PRKD1: variants seen among roughly 807,000 people sequenced by gnomAD.
PRKD1 encodes the protein serine/threonine-protein kinase D1.
A neutral mutation model predicts 95.9 loss-of-function variants in PRKD1; 63 were observed. The observed-to-expected ratio is 0.66, with a 90% CI of 0.54 to 0.81. The LOEUF is 0.81. Ranked by LOEUF, PRKD1 falls within the 30% of genes least tolerant of loss-of-function variation. The pLI, the probability that PRKD1 is intolerant of heterozygous loss-of-function variation, is 0.00. For missense variants in PRKD1, 1,048 were observed against 1,165.3 expected (o/e 0.90, Z 1.47); for synonymous variants, 425 against 423.1 (o/e 1.00, Z -0.05).
chr14:29,640,372 A>C (rs1880679790), intron 4 of PRKD1, among the ~76,000 whole-genome samples: 1 of 152,254 alleles, frequency 6.6e-6, no homozygotes, highest in South Asian at 2.1e-4. Context: ...AAGGTTAAAT[A>C]CTATTACCAA....
intron 2 of PRKD1, among the ~76,000 whole-genome samples, chr14:29,714,207 G>A (rs577657110): frequency 1.3e-5 from 2 of 152,098 alleles, no homozygotes; most frequent in East Asian, 3.9e-4. Flanking sequence ...AAGGTATGAG[G>A]AATTTGTGCT....
intron 1 of PRKD1, among the ~76,000 whole-genome samples, chr14:29,781,590 T>C (rs1011072158): frequency 6.6e-6 from 1 of 152,238 alleles, no homozygotes; most frequent in Non-Finnish European, 1.5e-5. Context: ...CAAAGAAGAC[T>C]GGAAAGACGT....
chr14:29,644,687 C>A (rs73255543), intron 4 of PRKD1, among the ~76,000 whole-genome samples: 3,377 of 151,948 alleles, frequency 0.022, 112 homozygotes, highest in African/African-American at 0.072. Flanking sequence ...TGTTTTCTAT[C>A]ATTATCTAGT....
intron 13 of PRKD1, among the ~76,000 whole-genome samples, chr14:29,609,123 C>A (rs17652742): frequency 0.49 from 74,019 of 151,902 alleles, 19,842 homozygotes; most frequent in East Asian, 0.68. Context: ...CAGATCACTC[C>A]TATTAAGAAC....
intron 2 of PRKD1, among the ~76,000 whole-genome samples, chr14:29,694,336 C>T (rs1884399148): frequency 1.3e-5 from 2 of 152,182 alleles, no homozygotes; most frequent in African/African-American, 2.4e-5. Context: ...ATTTGTCACA[C>T]ATTTCAGCTG....
chr14:29,889,626 A>G (rs1893868529), intron 1 of PRKD1, among the ~76,000 whole-genome samples: 1 of 152,240 alleles, frequency 6.6e-6, no homozygotes, highest in South Asian at 2.1e-4. Context: ...ATTCTCAGCA[A>G]AATATCACAG....
At chr14:29,820,172 T>C (rs1179176526) in intron 1 of PRKD1, among the ~76,000 whole-genome samples, 1 of 152,218 alleles carries the variant, frequency 6.6e-6, no homozygotes, top group Non-Finnish European at 1.5e-5. Context: ...GGTTCATTCA[T>C]ACCACCAATC....
intron 1 of PRKD1, among the ~76,000 whole-genome samples, chr14:29,923,786 A>G (rs1288752387): frequency 6.6e-6 from 1 of 151,098 alleles, no homozygotes; most frequent in African/African-American, 2.4e-5. Flanking sequence ...AAGCATCCCT[A>G]AAGAGTAACA....
intron 1 of PRKD1, chr14:29,811,895 T>C (rs527545877): frequency 2.0e-5 from 3 of 152,342 alleles, no homozygotes; most frequent in Non-Finnish European, 4.4e-5. Flanking sequence ...CCAGTCCCGA[T>C]GCATAAGAAA....
chr14:29,822,379 G>C (rs892677472), intron 1 of PRKD1, among the ~76,000 whole-genome samples: 2 of 152,190 alleles, frequency 1.3e-5, no homozygotes, highest in African/African-American at 4.8e-5. Flanking sequence ...CATTTAGTGA[G>C]CATTTCTCTT....
At chr14:29,773,168 A>G (rs1360084081) in intron 1 of PRKD1, among the ~76,000 whole-genome samples, 2 of 152,336 alleles carry the variant, frequency 1.3e-5, no homozygotes, top group East Asian at 1.9e-4. Flanking sequence ...AGTTTTTAAA[A>G]GAGTGAAAAT....
intron 1 of PRKD1, among the ~76,000 whole-genome samples, chr14:29,744,774 T>C (rs1176298634): frequency 1.3e-5 from 2 of 152,178 alleles, no homozygotes; most frequent in Non-Finnish European, 2.9e-5. Context: ...CTTGAATTCC[T>C]AGCCTCAGGT....
chr14:29,793,663 A>T (rs891346201), intron 1 of PRKD1, among the ~76,000 whole-genome samples: 3 of 151,886 alleles, frequency 2.0e-5, no homozygotes, highest in Admixed American at 6.6e-5. Context: ...TTTTTTTTTT[A>T]AAGCTTTTAT....
chr14:29,646,648 T>C (rs2139162341), intron 4 of PRKD1, among the ~76,000 whole-genome samples: 1 of 152,116 alleles, frequency 6.6e-6, no homozygotes, highest in East Asian at 1.9e-4. Context: ...CGAAACTGTC[T>C]GTCTCACTTA....
At chr14:29,912,043 A>G (rs1254634288) in intron 1 of PRKD1, among the ~76,000 whole-genome samples, 4 of 152,182 alleles carry the variant, frequency 2.6e-5, no homozygotes, top group African/African-American at 4.8e-5. Context: ...AGGGCACTGA[A>G]TCTCTCATTC....
At chr14:29,697,218 T>C (rs1884573661) in intron 2 of PRKD1, among the ~76,000 whole-genome samples, 1 of 151,782 alleles carries the variant, frequency 6.6e-6, no homozygotes, top group Non-Finnish European at 1.5e-5. Context: ...AATGTACCTA[T>C]ATTTAAATCC....
intron 1 of PRKD1, among the ~76,000 whole-genome samples, chr14:29,795,535 T>G (rs765554679): frequency 6.6e-5 from 10 of 152,144 alleles, no homozygotes; most frequent in East Asian, 1.9e-4. Context: ...ATGAGTAGTA[T>G]TATTGTAACT....
At chr14:29,655,355 T>C (rs1881771771) in intron 4 of PRKD1, among the ~76,000 whole-genome samples, 1 of 152,210 alleles carries the variant, frequency 6.6e-6, no homozygotes. Flanking sequence ...TCCTGTAGCT[T>C]ATGAATCAGA....
chr14:29,885,167 G>A (rs911665332), intron 1 of PRKD1, among the ~76,000 whole-genome samples: 1 of 151,748 alleles, frequency 6.6e-6, no homozygotes, highest in Non-Finnish European at 1.5e-5. Flanking sequence ...TTCACCAGGG[G>A]TTGAGCTCAG....
Sources: gnomAD v4.1 joint callset for allele counts (sites outside exome capture counted in the v4.1 genomes callset) on GRCh38, gnomAD v4.1.1 for gene constraint, MANE v1.5 for transcripts, NCBI Gene and HGNC (gene_info 2026-07-23, HGNC 2026-07-21) for gene names.